WDR37: variants seen among roughly 807,000 people sequenced by gnomAD.
The protein encoded by WDR37 is WD repeat domain 37, also known as WD repeat-containing protein 37.
Under a neutral mutation model 62.9 loss-of-function variants are expected in WDR37, and 19 were observed. The observed-to-expected ratio is 0.30, with a 90% CI of 0.21 to 0.44. The LOEUF (loss-of-function observed/expected upper bound fraction) is 0.44, where lower values mean the gene tolerates loss of function less well. Among genes scored for constraint, WDR37 ranks in the 20% least tolerant of loss-of-function variants. WDR37 has a pLI of 1.00. For missense variants in WDR37, 474 were observed against 657.6 expected, an observed-to-expected ratio of 0.72 and a Z score of 3.05; for synonymous variants, 250 against 260.9, an observed-to-expected ratio of 0.96 and a Z score of 0.40.
chr10:1,090,791 G>A (rs1834358928), intron 7 of WDR37, among the ~76,000 whole-genome samples: 2 of 152,320 alleles, frequency 1.3e-5, no homozygotes, highest in South Asian at 2.1e-4. Flanking sequence ...GATGGAAGGA[G>A]CCAGTGCCTT....
At chr10:1,094,571 G>T (rs1408739201) in intron 8 of WDR37, among the ~76,000 whole-genome samples, 3 of 152,208 alleles carry the variant, frequency 2.0e-5, no homozygotes, top group Admixed American at 2.0e-4. Flanking sequence ...GACTAAAGCA[G>T]ACAAGGAGTT....
intron 1 of WDR37, among the ~76,000 whole-genome samples, chr10:1,059,581 G>A (rs1472927395): frequency 6.6e-6 from 1 of 152,030 alleles, no homozygotes; most frequent in Non-Finnish European, 1.5e-5. Flanking sequence ...GGTGAATCAT[G>A]AGGTCAGGAG....
At chr10:1,088,210 C>T (rs1273075391) in intron 7 of WDR37, among the ~76,000 whole-genome samples, 4 of 152,184 alleles carry the variant, frequency 2.6e-5, no homozygotes, top group Admixed American at 6.5e-5. Context: ...TCCTGTGTAT[C>T]GGCGTTCTTG....
chr10:1,070,498 A>T (rs561521345), intron 1 of WDR37, among the ~76,000 whole-genome samples: 1 of 152,308 alleles, frequency 6.6e-6, no homozygotes, highest in Non-Finnish European at 1.5e-5. Context: ...ATTTAGAAAA[A>T]TGCTACGACT....
rs904220049 is a variant in WDR37, at chr10:1,105,793, C to T, written c.1103+526C>T. Among the ~76,000 whole-genome samples the T allele has an allele frequency of 6.6e-6, 1 of 151,756 alleles. No homozygotes were observed. The highest frequency in any genetic ancestry group is 6.6e-5 in the Admixed American group (1 of 15,190). On this transcript the variant is annotated intron_variant, in intron 11 of 13. Coordinates refer to ENST00000263150, the MANE Select transcript of WDR37 (RefSeq NM_014023.4). This position sits in a 1 kb window ranked among gnomAD's most constrained non-coding sequence, Gnocchi z 5.3. ...CTCTCCGGCAACTCAAGTGTAAGGT[C>T]TTTTTTTTCTGAGACGGAGTCTCGC...
intron 12 of WDR37, among the ~76,000 whole-genome samples, 182 bp from the exon 13 acceptor site, chr10:1,124,728 G>A (rs924475037): frequency 6.6e-6 from 1 of 152,004 alleles, no homozygotes; most frequent in African/African-American, 2.4e-5. Flanking sequence ...GTGTGATCTT[G>A]TAGCTACGTG....
chr10:1,124,097 A>C, intron 11 of WDR37, 121 bp from the exon 12 acceptor site: 2 of 1,353,198 alleles, frequency 1.5e-6, no homozygotes, highest in Non-Finnish European at 2.0e-6. Flanking sequence ...TGCAGAGGAG[A>C]GAGCTGTGAG....
chr10:1,110,894 G>GGCCT (rs1835194792), intron 11 of WDR37, among the ~76,000 whole-genome samples: 1 of 152,262 alleles, frequency 6.6e-6, no homozygotes, highest in Non-Finnish European at 1.5e-5. Context: ...CCGGGCCTGA[G>GGCCT]GCCTGCAGGA....
intron 7 of WDR37, 140 bp downstream of exon 7, chr10:1,086,497 C>T: frequency 3.2e-6 from 2 of 633,736 alleles, no homozygotes; most frequent in Non-Finnish European, 5.5e-6. Context: ...GTGGTCTGTT[C>T]AGAGACTGGG....
At chr10:1,058,055 T>C (rs2131597737) in intron 1 of WDR37, among the ~76,000 whole-genome samples, 2 of 152,294 alleles carry the variant, frequency 1.3e-5, no homozygotes, top group South Asian at 4.1e-4. Flanking sequence ...GCTTTTGATA[T>C]GTCCCAGGAG....
intron 5 of WDR37, 23 bp from the exon 6 acceptor site, chr10:1,084,380 A>G (rs537495885): frequency 6.3e-6 from 10 of 1,597,552 alleles, no homozygotes. Context: ...ATTGTTTCAC[A>G]AGACTCCCCA....
chr10:1,131,589 C>A lies in WDR37; in HGVS notation c.*2245C>A, dbSNP rs1835947675. 1 of 152,232 alleles carries A rather than the reference C, an allele frequency of 6.6e-6. No homozygotes were observed. Among genetic ancestry groups the A allele is most frequent in the Non-Finnish European group, 1.5e-5 (1 of 68,062 alleles). The allele number at this position is 152,232 out of a possible 1,614,324, so 9.4% of individuals were successfully genotyped here. On this transcript the variant is annotated 3_prime_UTR_variant, in exon 14 of 14. Transcript: ENST00000263150. Reference sequence around the variant, plus strand: ...CAGGCAGAGCTCTCAGGAGCCGGGGCACCTTGCTGTTCGCTGCTGTGTCGT... The same window carrying A: ...CAGGCAGAGCTCTCAGGAGCCGGGGAACCTTGCTGTTCGCTGCTGTGTCGT...
chr10:1,077,865 T>TTTCA (rs766944740), intron 2 of WDR37, 42 bp from the exon 3 acceptor site: 24 of 1,456,448 alleles, frequency 1.6e-5, no homozygotes, highest in Non-Finnish European at 2.2e-5. Flanking sequence ...ACTTAGAGTT[T>TTTCA]TTCATTCATT....
At chr10:1,084,250 T>A (rs569249968) in intron 5 of WDR37, among the ~76,000 whole-genome samples, 153 bp from the exon 6 acceptor site, 1 of 152,344 alleles carries the variant, frequency 6.6e-6, no homozygotes, top group African/African-American at 2.4e-5. Context: ...GCAGGGCGTT[T>A]CAGCTCACAC....
intron 11 of WDR37, 101 bp from the exon 12 acceptor site, chr10:1,124,117 C>T: frequency 5.9e-6 from 9 of 1,537,630 alleles, no homozygotes; most frequent in Non-Finnish European, 8.0e-6. Flanking sequence ...GTTTGCGCTT[C>T]TCCGACCTCC....
chr10:1,115,294 G>T (rs1159563318), intron 11 of WDR37, among the ~76,000 whole-genome samples: 2 of 152,126 alleles, frequency 1.3e-5, no homozygotes, highest in African/African-American at 4.8e-5. Context: ...CCCAAAATGT[G>T]GTCTTTGGTG....
In WDR37 at chr10:1,132,007, A is replaced by C. The variant is rs1488694585; in HGVS notation, c.*2663A>C. ...TCCTATGTAAATCATTTGTTACTTA[A>C]GTCTGTGAAAAACATATTTCTTTGG... On this transcript the variant is annotated 3_prime_UTR_variant, in exon 14 of 14. Coordinates refer to ENST00000263150, the MANE Select transcript of WDR37 (RefSeq NM_014023.4). 2.0e-5 allele frequency: 3 copies of C among 152,606 alleles called. No homozygotes were observed. Among genetic ancestry groups the C allele is most frequent in the African/African-American group, 7.2e-5 (3 of 41,436 alleles). The allele number at this position is 152,606 out of a possible 1,614,324, so 9.5% of individuals were successfully genotyped here. A position where few individuals can be genotyped will look rare whatever the true frequency, so the allele number is the denominator to read the frequency against.
At chr10:1,113,482 A>G (rs1239494488) in intron 11 of WDR37, among the ~76,000 whole-genome samples, 2 of 152,048 alleles carry the variant, frequency 1.3e-5, no homozygotes, top group African/African-American at 4.8e-5. Flanking sequence ...TTGTAAGGCT[A>G]TAGCTGCCAT....
chr10:1,082,141 G>A (rs1564500825), intron 5 of WDR37, among the ~76,000 whole-genome samples: 1 of 152,098 alleles, frequency 6.6e-6, no homozygotes, highest in Non-Finnish European at 1.5e-5. Flanking sequence ...GAAATAATTT[G>A]GTAACAGAAT....
Sources: gnomAD v4.1 joint callset for allele counts (sites outside exome capture counted in the v4.1 genomes callset) on GRCh38, gnomAD v4.1.1 for gene constraint, Gnocchi (gnomAD v3.1) non-coding constraint, MANE v1.5 for transcripts, NCBI Gene and HGNC (gene_info 2026-07-23, HGNC 2026-07-21) for gene names.